Variants in PEX3 observed in about 807,000 individuals in gnomAD.
PEX3 encodes peroxisomal biogenesis factor 3.
Under a neutral mutation model 55.8 loss-of-function variants are expected in PEX3, and 30 were observed. That is an observed-to-expected ratio of 0.54 (90% CI 0.40 to 0.73). PEX3 has a LOEUF of 0.73. Ranked by LOEUF, PEX3 falls within the 30% of genes least tolerant of loss-of-function variation. The pLI is 0.00. For synonymous variants in PEX3, 135 were observed against 148.4 expected (o/e 0.91, Z 0.66); for missense variants, 351 against 432.8 (o/e 0.81, Z 1.68).
rs1779814144 is a variant in PEX3 at position 143,454,329 on chromosome 6, C to CCTTT, written c.73+3214_73+3215insCTTT. Among the ~76,000 whole-genome samples, 2 of 152,210 alleles carry CCTTT rather than the reference C, an allele frequency of 1.3e-5. No homozygotes were observed. Among genetic ancestry groups the CCTTT allele is most frequent in the African/African-American group, 4.8e-5 (2 of 41,450 alleles). ...GATTTTATAGACTCCCTGAAATGGT[C>CCTTT]TTAAAGACCCCAGGGGTGCCCATGC... On this transcript the variant is annotated intron_variant, in intron 1 of 11. Coordinates refer to ENST00000367591, the MANE Select transcript of PEX3 (RefSeq NM_003630.3). This position sits in a 1 kb window ranked among gnomAD's most constrained non-coding sequence, Gnocchi z 4.3.
chr6:143,484,933 A>T, intron 10 of PEX3: 1 of 516,134 alleles, frequency 1.9e-6, no homozygotes, highest in South Asian at 2.1e-5. Context: ...TTTGGTAGAC[A>T]CAAAAAAACA....
At chr6:143,461,013 C>A (rs566266914) in intron 2 of PEX3, among the ~76,000 whole-genome samples, 3 of 151,896 alleles carry the variant, frequency 2.0e-5, no homozygotes, top group Non-Finnish European at 4.4e-5. Flanking sequence ...AGTAGAAATG[C>A]CTGTAAAGGA....
chr6:143,481,170 A>ATAT (rs1780236302), intron 10 of PEX3, among the ~76,000 whole-genome samples: 2 of 146,220 alleles, frequency 1.4e-5, no homozygotes, highest in Admixed American at 6.9e-5. Flanking sequence ...ATATATATAT[A>ATAT]AAATATATAT....
Position 143,472,237 on chromosome 6 carries a change from A to G in PEX3, c.656A>G (p.His219Arg). 2.5e-6 allele frequency: 4 copies of G among 1,607,632 alleles called. No individual in the cohort carries two copies. Among genetic ancestry groups the G allele is most frequent in the Non-Finnish European group, 2.6e-6 (3 of 1,174,364 alleles). Residue 219 changes from histidine (H) to arginine (R), a missense_variant, in exon 8 of 12, where the codon CAT (histidine) becomes CGT (arginine). Transcript: ENST00000367591. The stretch of plus-strand genomic sequence containing the variant: ...GAAATCAGAAATCTCGTTGAGCAGC[A>G]TAAGTCTTCTTCTTGGATTAATAAA... ...LKEIRNLVEQ[H>R]KSSSWINKDG...
rs1401200911 is a variant in PEX3 at position 143,463,077 on chromosome 6, C to T, written c.287+80C>T. ...ATGAACTGATAGACTTTTCAAAAAT[C>T]TTTGTTATTTTTCTATCTAATGAAA... On this transcript the variant is annotated intron_variant, in intron 3 of 11. Coordinates refer to ENST00000367591, the MANE Select transcript of PEX3 (RefSeq NM_003630.3). The surrounding 1 kb of genome is among the most constrained non-coding windows in gnomAD (Gnocchi z 5.7). 9.7e-7 allele frequency: 1 copy of T among 1,031,962 alleles called. No homozygotes were observed. The highest frequency in any genetic ancestry group is 2.5e-5 in the East Asian group (1 of 39,786). The allele number at this position is 1,031,962 out of a possible 1,614,324, so 63.9% of individuals were successfully genotyped here.
At chr6:143,468,904 A>G (rs752679752) in intron 4 of PEX3, among the ~76,000 whole-genome samples, 43 of 142,656 alleles carry the variant, frequency 3.0e-4, no homozygotes, top group Middle Eastern at 3.9e-3. Flanking sequence ...ATTCCCACCT[A>G]TGAGTGAGAA....
In PEX3 at chr6:143,485,212, T is replaced by C; in HGVS notation, c.1002T>C (p.His334=). Residue 334 remains histidine (H), a synonymous_variant, in exon 11 of 12, where the codon CAT becomes CAC. Coordinates refer to ENST00000367591, the MANE Select transcript of PEX3 (RefSeq NM_003630.3). The surrounding 1 kb of genome is among the most constrained non-coding windows in gnomAD (Gnocchi z 5.6). ...KIIPIVNGQI[H]SVCSETPSHF... ...TTCCAATAGTAAACGGACAGATCCA[T>C]TCAGTTTGCAGTGAAACACCTAGTC... The C allele has an allele frequency of 6.2e-7, 1 of 1,607,330 alleles. No homozygotes were observed. The highest frequency in any genetic ancestry group is 8.5e-7 in the Non-Finnish European group (1 of 1,174,054).
At chr6:143,457,491 A>G (rs942290467) in intron 1 of PEX3, among the ~76,000 whole-genome samples, 2 of 152,332 alleles carry the variant, frequency 1.3e-5, no homozygotes, top group African/African-American at 2.4e-5. Context: ...CAGTTCACCT[A>G]TAGCACCTGT....
Position 143,471,333 on chromosome 6 carries a change from T to C in PEX3, c.457-50T>C. ...AAAGTTTTATTGAAAACATTTCTTA[T>C]TTACCAGTTTAAAACTTGGATAATT... On this transcript the variant is annotated intron_variant, in intron 5 of 11. Transcript: ENST00000367591. The surrounding 1 kb of genome is among the most constrained non-coding windows in gnomAD (Gnocchi z 5.4). 1.5e-6 allele frequency: 2 copies of C among 1,325,770 alleles called. No individual in the cohort carries two copies. The highest frequency in any genetic ancestry group is 1.1e-6 in the Non-Finnish European group (1 of 921,272). 82.1% of individuals were successfully genotyped at this position (1,325,770 alleles called of 1,614,324 possible).
At chr6:143,474,345 G>A (rs553328152) in intron 8 of PEX3, among the ~76,000 whole-genome samples, 6 of 151,770 alleles carry the variant, frequency 4.0e-5, no homozygotes, top group Admixed American at 1.3e-4. Flanking sequence ...TGTAATCCCA[G>A]CTACTCAGGA....
rs916373225 is a variant in PEX3 at position 143,465,703 on chromosome 6, C to T, written c.288-2419C>T. On this transcript the variant is annotated intron_variant, in intron 3 of 11. Transcript: ENST00000367591. The surrounding 1 kb of genome is among the most constrained non-coding windows in gnomAD (Gnocchi z 4.7). ...AATCCGAATACATATGACATTCTGCCGTGAGTCTTGAACACTAGATTAGAT... is the reference window on the plus strand; with the variant it reads ...AATCCGAATACATATGACATTCTGCTGTGAGTCTTGAACACTAGATTAGAT... 3.3e-5 allele frequency among the ~76,000 whole-genome samples: 5 copies of T among 151,916 alleles called. No homozygotes were observed. In the South Asian group the frequency reaches 8.3e-4, roughly 25 times the overall value.
chr6:143,489,189 A>T lies in PEX3; in HGVS notation c.1085A>T (p.Tyr362Phe). The T allele has an allele frequency of 6.2e-7, 1 of 1,609,724 alleles. No individual in the cohort carries two copies. The highest frequency in any genetic ancestry group is 8.5e-7 in the Non-Finnish European group (1 of 1,176,202). ...EQVKDFAANVYEAFSTPQQLE... is the reference protein window; with the variant it reads ...EQVKDFAANVFEAFSTPQQLE... ...GTGAAAGACTTTGCTGCTAATGTGT[A>T]TGAAGCTTTTAGTACCCCTCAGCAA... Residue 362 changes from tyrosine (Y) to phenylalanine (F), a missense_variant, in exon 12 of 12, where the codon TAT (tyrosine) becomes TTT (phenylalanine). Tyr to Phe is a conservative substitution (Grantham distance 22). Coordinates refer to ENST00000367591, the MANE Select transcript of PEX3 (RefSeq NM_003630.3). The surrounding 1 kb of genome is among the most constrained non-coding windows in gnomAD (Gnocchi z 5.5).
At chr6:143,477,635 T>C (rs777406749) in intron 9 of PEX3, among the ~76,000 whole-genome samples, 20 of 152,136 alleles carry the variant, frequency 1.3e-4, no homozygotes, top group Non-Finnish European at 1.5e-4. Flanking sequence ...AGCTCACCTA[T>C]TTCTCATTTC....
chr6:143,475,319 C>T lies in PEX3; in HGVS notation c.818+463C>T, dbSNP rs1733238866. On this transcript the variant is annotated intron_variant, in intron 9 of 11. Coordinates refer to ENST00000367591, the MANE Select transcript of PEX3 (RefSeq NM_003630.3). The surrounding 1 kb of genome is among the most constrained non-coding windows in gnomAD (Gnocchi z 4.4). ...TATATTTTTCTCCCACCTCTCAAAT[C>T]ATTTCTTAGATTTTTCTATCTCTGT... Among the ~76,000 whole-genome samples, 1 of 152,156 alleles carries T rather than the reference C, an allele frequency of 6.6e-6. No homozygotes were observed. The highest frequency in any genetic ancestry group is 1.5e-5 in the Non-Finnish European group (1 of 68,022).
At position 143,485,854 on chromosome 6, in the gene PEX3, T is replaced by C. The variant is rs193250792; in HGVS notation, c.1038+606T>C. ...ACAAATATTATAAACAAAATAACTT[T>C]GAATTTCTGAGTCATGTGCAAACTT... On this transcript the variant is annotated intron_variant, in intron 11 of 11. Transcript: ENST00000367591. This position sits in a 1 kb window ranked among gnomAD's most constrained non-coding sequence, Gnocchi z 5.6. Among the ~76,000 whole-genome samples the C allele has an allele frequency of 2.0e-5, 3 of 152,154 alleles. No individual in the cohort carries two copies. Among genetic ancestry groups the C allele is most frequent in the Non-Finnish European group, 4.4e-5 (3 of 68,016 alleles).
intron 7 of PEX3, 41 bp from the exon 8 acceptor site, chr6:143,472,119 A>G (rs1169632952): frequency 7.5e-7 from 1 of 1,339,910 alleles, no homozygotes; most frequent in African/African-American, 1.4e-5. Flanking sequence ...GATGTGTTGT[A>G]TAGTTTCTAT....
rs138360535 is a variant in PEX3, at chr6:143,461,078, G to A, written c.206-1838G>A. ...GCGAAGCATTTAGGCCACAGTGCAG[G>A]TCTGACATTTGTGAAGGGAAAAAGA... On this transcript the variant is annotated intron_variant, in intron 2 of 11. Transcript: ENST00000367591. 3.7e-4 allele frequency among the ~76,000 whole-genome samples: 56 copies of A among 151,786 alleles called. 1 individual carries two copies. The highest frequency in any genetic ancestry group is 2.1e-3 in the South Asian group (10 of 4,828).
chr6:143,453,755 T>G lies in PEX3; in HGVS notation c.73+2640T>G, dbSNP rs1331316924. On this transcript the variant is annotated intron_variant, in intron 1 of 11. Coordinates refer to ENST00000367591, the MANE Select transcript of PEX3 (RefSeq NM_003630.3). This position sits in a 1 kb window ranked among gnomAD's most constrained non-coding sequence, Gnocchi z 4.6. ...TCATGCTTGGCTAATTTTTAATTAT[T>G]TTGTAGAGACAGGGGTCTCACTACA... Among the ~76,000 whole-genome samples, 1 of 152,170 alleles carries G rather than the reference T, an allele frequency of 6.6e-6. No individual in the cohort carries two copies. Among genetic ancestry groups the G allele is most frequent in the African/African-American group, 2.4e-5 (1 of 41,434 alleles).
chr6:143,473,070 G>A (rs1780097182), intron 8 of PEX3, among the ~76,000 whole-genome samples: 1 of 152,210 alleles, frequency 6.6e-6, no homozygotes, highest in Non-Finnish European at 1.5e-5. Flanking sequence ...TGGGAGAACA[G>A]CTCTTACTTG....
Sources: gnomAD v4.1 joint callset for allele counts (sites outside exome capture counted in the v4.1 genomes callset) on GRCh38, gnomAD v4.1.1 for gene constraint, Gnocchi (gnomAD v3.1) non-coding constraint, MANE v1.5 for transcripts, NCBI Gene and HGNC (gene_info 2026-07-23, HGNC 2026-07-21) for gene names.